Variants in HYDIN observed in about 807,000 individuals in gnomAD.
HYDIN encodes the protein HYDIN axonemal central pair apparatus protein.
HYDIN carries 132 observed loss-of-function variants against 403.9 expected under a neutral mutation model. The ratio of observed to expected loss-of-function variants is 0.33; its 90% CI spans 0.28 to 0.38. The LOEUF (loss-of-function observed/expected upper bound fraction) is 0.38, where lower values mean the gene tolerates loss of function less well. Among genes scored for constraint, HYDIN ranks in the 10% least tolerant of loss-of-function variants. The pLI is 1.00. For synonymous variants in HYDIN, 1,202 were observed against 1,891.7 expected, an observed-to-expected ratio of 0.64 and a Z score of 9.46; for missense variants, 2,827 against 5,009.5, an observed-to-expected ratio of 0.56 and a Z score of 13.15.
At position 71,027,064 on chromosome 16, in the gene HYDIN, G is replaced by C. The variant is rs374035136; in HGVS notation, c.3042+538C>G. 7 of 837,530 alleles carry C rather than the reference G, an allele frequency of 8.4e-6. No individual in the cohort carries two copies. The African/African-American group carries it at 1.1e-4, about 13-fold the overall frequency. The allele number at this position is 837,530 out of a possible 1,614,324, so 51.9% of individuals were successfully genotyped here. A position where few individuals can be genotyped will look rare whatever the true frequency, so the allele number is the denominator to read the frequency against. ...ATTTGGATCTACTGAAATGTTTTAC[G>C]TAGAGTGTATGGAGATCATGTAAAT... On this transcript the variant is annotated intron_variant, in intron 20 of 85. Coordinates refer to ENST00000393567, the MANE Select transcript of HYDIN (RefSeq NM_001270974.2).
At chr16:71,187,744 G>C (rs2087227858) in intron 1 of HYDIN, among the ~76,000 whole-genome samples, 2 of 152,074 alleles carry the variant, frequency 1.3e-5, no homozygotes, top group Admixed American at 6.6e-5. Flanking sequence ...AAGGAAAGTA[G>C]ATTTGAAGGA....
chr16:71,092,648 T>C (rs2083146682), intron 11 of HYDIN, among the ~76,000 whole-genome samples: 1 of 149,780 alleles, frequency 6.7e-6, no homozygotes. Flanking sequence ...TGGCGCGATC[T>C]TGGCTCACTG....
At chr16:70,979,307 C>T (rs1379537366) in intron 29 of HYDIN, among the ~76,000 whole-genome samples, 1 of 149,080 alleles carries the variant, frequency 6.7e-6, no homozygotes, top group East Asian at 2.0e-4. Context: ...AAGTTAGTTA[C>T]ATTTGAAGAC....
intron 1 of HYDIN, among the ~76,000 whole-genome samples, chr16:71,221,732 T>C (rs1261419155): frequency 6.6e-6 from 1 of 152,148 alleles, no homozygotes; most frequent in Non-Finnish European, 1.5e-5. Flanking sequence ...AATAGATAAA[T>C]TACAAAAAGC....
intron 21 of HYDIN, among the ~76,000 whole-genome samples, chr16:71,022,833 A>G (rs2080546545): frequency 6.6e-6 from 1 of 150,746 alleles, no homozygotes; most frequent in Admixed American, 6.6e-5. Flanking sequence ...CCATATTCCA[A>G]ATATGTACAT....
chr16:71,209,848 A>C (rs1161042218), intron 1 of HYDIN, among the ~76,000 whole-genome samples: 2 of 152,230 alleles, frequency 1.3e-5, no homozygotes, highest in Non-Finnish European at 2.9e-5. Flanking sequence ...AAATCTCTAC[A>C]ATGAAAATGA....
chr16:70,954,326 G>A (rs1374425260), intron 40 of HYDIN, among the ~76,000 whole-genome samples: 2 of 116,250 alleles, frequency 1.7e-5, no homozygotes, highest in African/African-American at 6.7e-5. Flanking sequence ...AGGCATGGTG[G>A]TGCATGTCTG....
chr16:70,944,178 C>T (rs889039630), intron 41 of HYDIN, among the ~76,000 whole-genome samples: 5 of 152,232 alleles, frequency 3.3e-5, no homozygotes, highest in African/African-American at 1.2e-4. Context: ...GAACTGCACG[C>T]AGCTTTTCAT....
rs190082790 is a variant in HYDIN, at chr16:71,020,186, C to T, written c.3318G>A (p.Pro1106=). 353 of 1,613,616 alleles carry T rather than the reference C, an allele frequency of 2.2e-4. 1 individual carries two copies. In the East Asian group the frequency reaches 6.8e-3, roughly 31 times the overall value. ...CCTATTAAGGTACCTCAGGAGTTGC[C>T]GGCAGCAGGGATTTATCAGTCTCAC... ...FICETDKSLL[P]ATPEPIKLEI... Residue 1106 remains proline (P), a synonymous_variant, in exon 22 of 86, where the codon CCG becomes CCA. Transcript: ENST00000393567.
intron 4 of HYDIN, among the ~76,000 whole-genome samples, chr16:71,178,432 A>ATAT (rs1555501903): frequency 1.2e-3 from 99 of 80,728 alleles, no homozygotes; most frequent in Middle Eastern, 5.6e-3. Context: ...AAAAAAAAAA[A>ATAT]AAATATATAT....
chr16:71,153,620 G>C (rs1273904102), intron 6 of HYDIN, among the ~76,000 whole-genome samples: 1 of 151,122 alleles, frequency 6.6e-6, no homozygotes, highest in Non-Finnish European at 1.5e-5. Flanking sequence ...ACCCTCACTG[G>C]GTGAACACAA....
chr16:71,059,376 A>G (rs914060578), intron 18 of HYDIN, among the ~76,000 whole-genome samples: 6 of 152,092 alleles, frequency 3.9e-5, no homozygotes, highest in African/African-American at 1.4e-4. Context: ...AGTTATGCAA[A>G]TGCCATTTAT....
rs1172264198 is a variant in HYDIN at position 70,890,879 on chromosome 16, A to G, written c.9656+767T>C. On this transcript the variant is annotated intron_variant, in intron 57 of 85. Coordinates refer to ENST00000393567, the MANE Select transcript of HYDIN (RefSeq NM_001270974.2). Reference sequence around the variant, plus strand: ...CCTGGTAGGCTGAAGGCATCACCGCACTTCCTCTCTTCCACGCTTCCAGAG... The same window carrying G: ...CCTGGTAGGCTGAAGGCATCACCGCGCTTCCTCTCTTCCACGCTTCCAGAG... Among the ~76,000 whole-genome samples the G allele has an allele frequency of 9.9e-5, 15 of 151,850 alleles. No individual in the cohort carries two copies. In the East Asian group the frequency reaches 2.5e-3, roughly 26 times the overall value.
At position 70,850,797 on chromosome 16, in the gene HYDIN, T is replaced by C. The variant is rs888428485; in HGVS notation, c.12444-142A>G. The C allele has an allele frequency of 5.4e-4, 354 of 650,178 alleles. 2 individuals carry two copies. The highest frequency in any genetic ancestry group is 4.2e-4 in the Middle Eastern group (1 of 2,374). 40.3% of individuals were successfully genotyped at this position (650,178 alleles called of 1,614,324 possible). A position where few individuals can be genotyped will look rare whatever the true frequency, so the allele number is the denominator to read the frequency against. ...GATGACATTTTAAGATTTGTGGCTA[T>C]AGTAACCAAAACAGCGTGGTACTGG... On this transcript the variant is annotated intron_variant, in intron 73 of 85. Transcript: ENST00000393567.
chr16:71,168,800 T>C (rs1052898260), intron 5 of HYDIN, among the ~76,000 whole-genome samples: 1 of 152,158 alleles, frequency 6.6e-6, no homozygotes, highest in African/African-American at 2.4e-5. Flanking sequence ...CACATCTCAT[T>C]GGCCGACACT....
intron 9 of HYDIN, among the ~76,000 whole-genome samples, chr16:71,125,538 T>C (rs2084421750): frequency 6.6e-6 from 1 of 152,146 alleles, no homozygotes; most frequent in African/African-American, 2.4e-5. Context: ...TGCAATACCC[T>C]GTTTGTGTAC....
chr16:70,834,105 C>T lies in HYDIN; in HGVS notation c.13461G>A (p.Leu4487=), dbSNP rs1482238467. The T allele has an allele frequency of 9.3e-6, 15 of 1,612,912 alleles. No homozygotes were observed. The highest frequency in any genetic ancestry group is 1.3e-5 in the African/African-American group (1 of 74,710). Residue 4487 remains leucine (L), a synonymous_variant, in exon 79 of 86, where the codon CTG becomes CTA. Transcript: ENST00000393567. ...ITLKPKEVCK[L]EVIFAPKKRV... is the part of the protein sequence containing the mutation. ...GCTTCTTCGGGGCAAAGATGACTTCCAGTTTACAGACTTCTTTGGGCTTCA... is the reference window on the plus strand; with the variant it reads ...GCTTCTTCGGGGCAAAGATGACTTCTAGTTTACAGACTTCTTTGGGCTTCA...
At chr16:70,841,249 A>G (rs1798512) in intron 75 of HYDIN, among the ~76,000 whole-genome samples, 34,117 of 151,764 alleles carry the variant, frequency 0.22, 6,723 homozygotes, top group African/African-American at 0.54. Context: ...ACATTTTGTG[A>G]CTGATTCAAT....
chr16:71,055,036 AT>A (rs1412590870), intron 18 of HYDIN, among the ~76,000 whole-genome samples: 1 of 152,302 alleles, frequency 6.6e-6, no homozygotes, highest in Non-Finnish European at 1.5e-5. Context: ...ATACTCCTTA[AT>A]TTCTTCTCCT....
Sources: allele counts gnomAD v4.1 joint callset (sites outside exome capture counted in the v4.1 genomes callset), GRCh38; gene constraint gnomAD v4.1.1; transcripts MANE v1.5; gene names NCBI Gene and HGNC (gene_info 2026-07-23, HGNC 2026-07-21).